The following NBAS variants were observed in gnomAD, a reference collection of about 807,000 sequenced individuals.
NBAS encodes the protein NAG/BC035112 fusion.
A neutral mutation model predicts 302.5 loss-of-function variants in NBAS; 219 were observed. The observed-to-expected ratio is 0.72, with a 90% CI of 0.65 to 0.81. The LOEUF (loss-of-function observed/expected upper bound fraction) is 0.81, where lower values mean the gene tolerates loss of function less well. Ranked by LOEUF, NBAS falls within the 30% of genes least tolerant of loss-of-function variation. The pLI is 0.00. For synonymous variants in NBAS, 1,118 were observed against 1,021.6 expected (o/e 1.09, Z -1.80); for missense variants, 2,932 against 2,841.6 (o/e 1.03, Z -0.72).
At chr2:15,254,839 T>C (rs1668518552) in intron 44 of NBAS, among the ~76,000 whole-genome samples, 1 of 152,218 alleles carries the variant, frequency 6.6e-6, no homozygotes, top group Admixed American at 6.5e-5. Flanking sequence ...GGTCTCCAAC[T>C]CCATCCAGGT....
At chr2:15,497,924 A>T (rs570615635) in intron 11 of NBAS, among the ~76,000 whole-genome samples, 88 of 152,206 alleles carry the variant, frequency 5.8e-4, no homozygotes, top group Non-Finnish European at 3.5e-4. Context: ...CATGTCATCT[A>T]TAATAACTGA....
chr2:15,012,909 T>G, the NBAS span, among the ~76,000 whole-genome samples: 36 of 152,098 alleles, frequency 2.4e-4, no homozygotes, highest in African/African-American at 8.2e-4. Flanking sequence ...CCAGCCTGGA[T>G]TACAGTGGTG....
chr2:14,910,649 A>T, the NBAS span, among the ~76,000 whole-genome samples: 12 of 152,318 alleles, frequency 7.9e-5, no homozygotes, highest in Non-Finnish European at 1.5e-4. Flanking sequence ...GGTTGGGCAG[A>T]TTTGAGGCTG....
At chr2:15,489,168 C>A (rs6730073) in intron 11 of NBAS, 146 bp from the exon 12 acceptor site, 6 of 922,168 alleles carry the variant, frequency 6.5e-6, no homozygotes, top group Non-Finnish European at 4.9e-6. Context: ...TATAAATGTA[C>A]TTCAGCATAG....
At chr2:15,385,119 C>T (rs563715069) in intron 28 of NBAS, among the ~76,000 whole-genome samples, 1 of 152,286 alleles carries the variant, frequency 6.6e-6, no homozygotes, top group African/African-American at 2.4e-5. Context: ...CATAAGAGAA[C>T]ACTTTTTTTC....
At chr2:14,902,099 C>A in the NBAS span, among the ~76,000 whole-genome samples, 1 of 152,140 alleles carries the variant, frequency 6.6e-6, no homozygotes, top group African/African-American at 2.4e-5. Flanking sequence ...GTTCGTATAG[C>A]AATCATCCCT....
chr2:15,164,855 C>A (rs1177879461), downstream of NBAS, among the ~76,000 whole-genome samples: 1 of 152,166 alleles, frequency 6.6e-6, no homozygotes, highest in Non-Finnish European at 1.5e-5. Flanking sequence ...CCCACAGAAA[C>A]TGCTCAAACC....
At chr2:15,234,474 G>C in intron 46 of NBAS, 71 bp downstream of exon 46, 1 of 1,479,048 alleles carries the variant, frequency 6.8e-7, no homozygotes, top group Non-Finnish European at 9.4e-7. Context: ...TTACATACAG[G>C]ATGACAGTTT....
intron 34 of NBAS, among the ~76,000 whole-genome samples, chr2:15,352,508 T>C (rs560684484): frequency 2.0e-5 from 3 of 152,198 alleles, no homozygotes; most frequent in South Asian, 2.1e-4. Flanking sequence ...AGGGAGGGAT[T>C]TGAAGGACAA....
chr2:15,083,933 A>T, the NBAS span, among the ~76,000 whole-genome samples: 1 of 152,242 alleles, frequency 6.6e-6, no homozygotes, highest in Non-Finnish European at 1.5e-5. Flanking sequence ...TGAAATGGAA[A>T]CAAAAATGCA....
At chr2:15,426,821 G>A (rs1677502705) in intron 22 of NBAS, among the ~76,000 whole-genome samples, 1 of 152,134 alleles carries the variant, frequency 6.6e-6, no homozygotes, top group African/African-American at 2.4e-5. Flanking sequence ...CTGCAGGGGT[G>A]GCAGAACCTG....
the NBAS span, among the ~76,000 whole-genome samples, chr2:15,034,213 A>AGAGAAG: frequency 8.2e-6 from 1 of 121,586 alleles, no homozygotes; most frequent in African/African-American, 3.1e-5. Context: ...AGGAAAGGAA[A>AGAGAAG]GAAAGAGAGG....
chr2:15,218,995 G>A (rs1001463439), intron 47 of NBAS, 27 bp from the exon 48 acceptor site: 8 of 1,613,154 alleles, frequency 5.0e-6, no homozygotes, highest in Non-Finnish European at 5.9e-6. Context: ...AGAGGTATCT[G>A]TAAACTCCTA....
chr2:14,944,440 C>G, the NBAS span, among the ~76,000 whole-genome samples: 4 of 152,356 alleles, frequency 2.6e-5, no homozygotes, highest in East Asian at 7.7e-4. Flanking sequence ...TCTTCTCCAA[C>G]ACGTCCTTGA....
At chr2:15,251,912 A>G (rs992932737) in intron 44 of NBAS, among the ~76,000 whole-genome samples, 3 of 152,188 alleles carry the variant, frequency 2.0e-5, no homozygotes, top group African/African-American at 7.2e-5. Context: ...CTCCTATTCA[A>G]GATGGAGTTG....
At chr2:15,038,281 T>C in the NBAS span, among the ~76,000 whole-genome samples, 1 of 151,890 alleles carries the variant, frequency 6.6e-6, no homozygotes, top group Non-Finnish European at 1.5e-5. Context: ...CCAGCTAATT[T>C]TCGTATTTTT....
intron 44 of NBAS, among the ~76,000 whole-genome samples, chr2:15,251,491 G>C (rs754247102): frequency 2.0e-5 from 3 of 152,154 alleles, no homozygotes; most frequent in Non-Finnish European, 4.4e-5. Flanking sequence ...AGTCCATAGA[G>C]TGGAAGCAAA....
the NBAS span, among the ~76,000 whole-genome samples, chr2:15,037,265 A>G: frequency 6.6e-6 from 1 of 152,198 alleles, no homozygotes; most frequent in Non-Finnish European, 1.5e-5. Context: ...ATGCAAGGCC[A>G]AAGTGGGGCA....
At chr2:15,058,492 T>C in the NBAS span, among the ~76,000 whole-genome samples, 1 of 152,218 alleles carries the variant, frequency 6.6e-6, no homozygotes, top group Non-Finnish European at 1.5e-5. Flanking sequence ...TACCACATGA[T>C]TGAGCAGGCA....
Sources: allele counts gnomAD v4.1 joint callset (sites outside exome capture counted in the v4.1 genomes callset), GRCh38; gene constraint gnomAD v4.1.1; transcripts MANE v1.5; gene names NCBI Gene and HGNC (gene_info 2026-07-23, HGNC 2026-07-21).